RGS20: variants seen among roughly 807,000 people sequenced by gnomAD.
RGS20 encodes the protein regulator of G protein signaling 20.
A neutral mutation model predicts 33.6 loss-of-function variants in RGS20; 30 were observed. The ratio of observed to expected loss-of-function variants is 0.89; its 90% confidence interval spans 0.67 to 1.21. The LOEUF (loss-of-function observed/expected upper bound fraction) is 1.21, where lower values mean the gene tolerates loss of function less well. RGS20 is among the 50% of genes most tolerant of loss of function. RGS20 has a pLI of 0.00. For synonymous variants in RGS20, 208 were observed against 197.9 expected (o/e 1.05, Z -0.43); for missense variants, 472 against 502.4 (o/e 0.94, Z 0.58).
At chr8:53,857,400 C>T (rs1811700270) in intron 1 of RGS20, among the ~76,000 whole-genome samples, 1 of 152,094 alleles carries the variant, frequency 6.6e-6, no homozygotes, top group African/African-American at 2.4e-5. Context: ...TAAGGAAGAC[C>T]TTGGGTATGC....
intron 2 of RGS20, chr8:53,881,037 G>A (rs1463209649): frequency 7.6e-6 from 12 of 1,581,980 alleles, no homozygotes; most frequent in South Asian, 4.5e-5. Flanking sequence ...GGACGGAGGC[G>A]AGCCGGCCGG....
chr8:53,958,176 A>T (rs1307880890), intron 5 of RGS20, 94 bp from the exon 5 acceptor site: 5 of 959,744 alleles, frequency 5.2e-6, no homozygotes, highest in Non-Finnish European at 7.4e-6. Flanking sequence ...ACAAAAAACA[A>T]AAACAACAAC....
intron 2 of RGS20, among the ~76,000 whole-genome samples, chr8:53,927,281 C>A: frequency 6.6e-6 from 1 of 150,756 alleles, no homozygotes; most frequent in East Asian, 1.9e-4. Context: ...CTCACTGCAG[C>A]CTCAACCTCC....
chr8:53,868,097 GACTA>G (rs1811962101), intron 1 of RGS20, among the ~76,000 whole-genome samples: 1 of 152,164 alleles, frequency 6.6e-6, no homozygotes, highest in African/African-American at 2.4e-5. Context: ...GCAGCCATGT[GACTA>G]ACTGAGCTAG....
intron 3 of RGS20, 38 bp downstream of exon 2, chr8:53,939,762 T>C: frequency 3.3e-6 from 5 of 1,532,932 alleles, no homozygotes; most frequent in Non-Finnish European, 4.4e-6. Flanking sequence ...TGCTCCTGAC[T>C]GGGAAGTGTA....
intron 2 of RGS20, among the ~76,000 whole-genome samples, chr8:53,897,309 G>A (rs568808566): frequency 6.6e-5 from 10 of 152,344 alleles, no homozygotes; most frequent in South Asian, 4.1e-4. Flanking sequence ...GACTGGACCA[G>A]ACTAGAGGTG....
At chr8:53,893,932 A>G (rs1563371151) in intron 2 of RGS20, among the ~76,000 whole-genome samples, 1 of 152,220 alleles carries the variant, frequency 6.6e-6, no homozygotes, top group African/African-American at 2.4e-5. Flanking sequence ...ACTAAACAAA[A>G]GGCTTTATTT....
At chr8:53,949,269 A>G (rs529387713) in intron 4 of RGS20, among the ~76,000 whole-genome samples, 22 of 147,746 alleles carry the variant, frequency 1.5e-4, no homozygotes, top group African/African-American at 3.4e-4. Context: ...TATACTATAT[A>G]TAAGATACAG....
Position 53,879,545 on chromosome 8 carries a change from T to A in RGS20, c.453T>A (p.His151Gln). Residue 151 changes from histidine to glutamine, a missense_variant, in exon 2 of 6, where the codon CAT becomes CAA. By Grantham distance (24) the His-to-Gln change is conservative. Coordinates refer to ENST00000297313, the MANE Select transcript of RGS20 (RefSeq NM_170587.4). ...GGGGTCGTCCGCTGAGGCCCCCCCA[T>A]CCGGTAGCCAAGCCCAGGGAAGAAG... 6.5e-7 allele frequency: 1 copy of A among 1,538,124 alleles called. No homozygotes were observed. Among genetic ancestry groups the A allele is most frequent in the Non-Finnish European group, 8.8e-7 (1 of 1,142,282 alleles).
At chr8:53,957,647 G>GC (rs1327137347) in intron 5 of RGS20, among the ~76,000 whole-genome samples, 1 of 152,238 alleles carries the variant, frequency 6.6e-6, no homozygotes, top group Non-Finnish European at 1.5e-5. Context: ...TGTGAGCCCT[G>GC]CCAGCATCAC....
intron 1 of RGS20, among the ~76,000 whole-genome samples, chr8:53,864,064 T>A (rs1174573506): frequency 6.6e-6 from 1 of 152,144 alleles, no homozygotes; most frequent in African/African-American, 2.4e-5. Context: ...TCAATTTGAA[T>A]GGTTGCTTTG....
intron 5 of RGS20, 84 bp from the exon 5 acceptor site, chr8:53,958,186 C>T (rs1009507937): frequency 9.8e-7 from 1 of 1,017,322 alleles, no homozygotes; most frequent in Non-Finnish European, 1.4e-6. Context: ...AAAACAACAA[C>T]AAAAATCCCC....
chr8:53,859,007 G>A (rs1811747219), intron 1 of RGS20, among the ~76,000 whole-genome samples: 1 of 152,096 alleles, frequency 6.6e-6, no homozygotes, highest in African/African-American at 2.4e-5. Flanking sequence ...TCCAGGGGAG[G>A]AGGAAAGTAG....
At chr8:53,858,550 A>G (rs570281043) in intron 1 of RGS20, among the ~76,000 whole-genome samples, 1 of 152,186 alleles carries the variant, frequency 6.6e-6, no homozygotes, top group Admixed American at 6.5e-5. Context: ...ACATACCCGA[A>G]AGAAAGCATA....
intron 2 of RGS20, among the ~76,000 whole-genome samples, chr8:53,897,142 A>AT: frequency 6.6e-6 from 1 of 152,374 alleles, no homozygotes; most frequent in East Asian, 1.9e-4. Context: ...CATCTTTTGT[A>AT]CATTTTTATC....
chr8:53,864,919 C>T (rs1194114795), intron 1 of RGS20, among the ~76,000 whole-genome samples: 2 of 152,160 alleles, frequency 1.3e-5, no homozygotes, highest in Admixed American at 6.6e-5. Flanking sequence ...CCCAAGAAAA[C>T]ATCCCCTTTA....
intron 2 of RGS20, among the ~76,000 whole-genome samples, chr8:53,915,605 T>A (rs998022214): frequency 6.6e-6 from 1 of 152,116 alleles, no homozygotes; most frequent in Non-Finnish European, 1.5e-5. Flanking sequence ...GCTTCCCTTT[T>A]TCCTAGACCT....
chr8:53,939,747 G>C (rs1563420133), intron 3 of RGS20, 23 bp downstream of exon 2: 2 of 1,542,248 alleles, frequency 1.3e-6, no homozygotes, highest in Non-Finnish European at 8.8e-7. Context: ...GCTTTTTAAT[G>C]AATGTGCTCC....
chr8:53,855,397 C>T (rs1205432688), intron 1 of RGS20, among the ~76,000 whole-genome samples: 4 of 152,096 alleles, frequency 2.6e-5, no homozygotes, highest in Non-Finnish European at 4.4e-5. Flanking sequence ...AAATTATAGA[C>T]GTAGAGAACA....
Sources: allele counts gnomAD v4.1 joint callset (sites outside exome capture counted in the v4.1 genomes callset), GRCh38; gene constraint gnomAD v4.1.1; transcripts MANE v1.5; gene names NCBI Gene and HGNC (gene_info 2026-07-23, HGNC 2026-07-21).